NKD1: variants seen among roughly 807,000 people sequenced by gnomAD.
The protein encoded by NKD1 is protein naked cuticle homolog 1.
In NKD1, 21 loss-of-function variants were observed where a neutral mutation model predicts 56.0. That is an observed-to-expected ratio of 0.38 (90% CI 0.27 to 0.54). NKD1 has a LOEUF of 0.54. Ranked by LOEUF, NKD1 falls within the 20% of genes least tolerant of loss-of-function variation. The pLI, the probability that NKD1 is intolerant of heterozygous loss-of-function variation, is 0.82. For synonymous variants in NKD1, 263 were observed against 265.7 expected (o/e 0.99, Z 0.10); for missense variants, 578 against 642.7 (o/e 0.90, Z 1.09).
In NKD1 at chr16:50,647,392, G is replaced by C. The variant is rs908042818; in HGVS notation, c.*13611G>C. On this transcript the variant is annotated 3_prime_UTR_variant, in exon 10 of 10. Coordinates refer to ENST00000268459, the MANE Select transcript of NKD1 (RefSeq NM_033119.5). ...GTGCTGGGTCCTTGGGAATGATGTT[G>C]AGCAAGCACTTATACATGACCTGGC... is the stretch of plus-strand genomic sequence containing the variant. The C allele has an allele frequency of 1.3e-5, 2 of 152,214 alleles. No homozygotes were observed. The highest frequency in any genetic ancestry group is 2.9e-5 in the Non-Finnish European group (2 of 68,046). 9.4% of individuals were successfully genotyped at this position (152,214 alleles called of 1,614,324 possible). A position where few individuals can be genotyped will look rare whatever the true frequency, so the allele number is the denominator to read the frequency against.
chr16:50,599,085 C>G (rs1284141749), intron 3 of NKD1, among the ~76,000 whole-genome samples: 1 of 152,082 alleles, frequency 6.6e-6, no homozygotes. Context: ...TGCAGCCGGC[C>G]AGAAGTGGGG....
chr16:50,570,131 G>T (rs570299237), intron 3 of NKD1, among the ~76,000 whole-genome samples: 2 of 151,990 alleles, frequency 1.3e-5, no homozygotes, highest in African/African-American at 4.8e-5. Flanking sequence ...TTGAAATGTC[G>T]GTATTTTGGA....
Position 50,633,445 on chromosome 16 carries a change from C to T in NKD1, c.1077C>T (p.Gly359=). ...CCCAGGGCAAGAGTGTGGGTGTGGGCCACGTGGCCAGAGGGGCAAGAAACA... is the reference window on the plus strand; with the variant it reads ...CCCAGGGCAAGAGTGTGGGTGTGGGTCACGTGGCCAGAGGGGCAAGAAACA... ...PKAQGKSVGV[G]HVARGARNKP... is the part of the protein sequence containing the mutation. The change falls in exon 10 of 10, where the codon GGC becomes GGT. Residue 359 remains glycine, a synonymous_variant. Coordinates refer to ENST00000268459, the MANE Select transcript of NKD1 (RefSeq NM_033119.5). This position sits in a 1 kb window ranked among gnomAD's most constrained non-coding sequence, Gnocchi z 4.9. 1 of 1,609,852 alleles carries T rather than the reference C, an allele frequency of 6.2e-7. No homozygotes were observed. The highest frequency in any genetic ancestry group is 8.5e-7 in the Non-Finnish European group (1 of 1,177,568).
intron 3 of NKD1, among the ~76,000 whole-genome samples, chr16:50,580,452 G>C (rs145663699): frequency 1.3e-5 from 2 of 152,230 alleles, no homozygotes; most frequent in Non-Finnish European, 2.9e-5. Flanking sequence ...CAGTACACAC[G>C]CTCAGTGAAT....
At position 50,615,308 on chromosome 16, in the gene NKD1, A is replaced by G. The variant is rs373235139; in HGVS notation, c.260-6294A>G. On this transcript the variant is annotated intron_variant, in intron 4 of 9. Coordinates refer to ENST00000268459, the MANE Select transcript of NKD1 (RefSeq NM_033119.5). ...ATTTTGATGATGCTGCTGATGATGC[A>G]GCACCTATAGTGTGATAGACACTGC... Among the ~76,000 whole-genome samples the G allele has an allele frequency of 7.2e-5, 11 of 152,348 alleles. No individual in the cohort carries two copies. The East Asian group carries it at 1.9e-3, about 27-fold the overall frequency.
At chr16:50,587,874 T>A (rs1213504157) in intron 3 of NKD1, among the ~76,000 whole-genome samples, 1 of 152,192 alleles carries the variant, frequency 6.6e-6, no homozygotes, top group Non-Finnish European at 1.5e-5. Flanking sequence ...ATACAAGGGA[T>A]CCAGGTTGTG....
intron 3 of NKD1, chr16:50,572,903 C>T (rs1960914834): frequency 1.0e-6 from 1 of 983,300 alleles, no homozygotes; most frequent in Admixed American, 6.2e-5. Context: ...GGGTGCTGAC[C>T]TGCCCCGTGC....
chr16:50,554,139 G>T (rs1467106163), intron 3 of NKD1, among the ~76,000 whole-genome samples: 1 of 152,192 alleles, frequency 6.6e-6, no homozygotes, highest in East Asian at 1.9e-4. Context: ...GCCAGACTGT[G>T]CATGCCTTCT....
chr16:50,620,809 G>C (rs1163515445), intron 4 of NKD1, among the ~76,000 whole-genome samples: 2 of 152,160 alleles, frequency 1.3e-5, no homozygotes, highest in Non-Finnish European at 1.5e-5. Context: ...AGTAGGTCCT[G>C]GGATTTCACA....
chr16:50,602,670 C>G (rs542649970), intron 3 of NKD1, among the ~76,000 whole-genome samples: 1 of 152,318 alleles, frequency 6.6e-6, no homozygotes, highest in South Asian at 2.1e-4. Context: ...TTCACCCACA[C>G]GGGGACAATC....
At chr16:50,596,514 A>G (rs2151272901) in intron 3 of NKD1, among the ~76,000 whole-genome samples, 1 of 152,220 alleles carries the variant, frequency 6.6e-6, no homozygotes, top group Middle Eastern at 3.4e-3. Flanking sequence ...GTCTCTGCAG[A>G]CGTGTGCCTC....
intron 3 of NKD1, among the ~76,000 whole-genome samples, chr16:50,589,742 CTCTTCTCTTCTCTT>C (rs1961314721): frequency 2.1e-4 from 23 of 107,446 alleles, no homozygotes; most frequent in African/African-American, 4.9e-4. Context: ...CTCTTCTCTT[CTCTTCTCTTCTCTT>C]CTCTTCTCTC....
chr16:50,589,703 T>TCTTCC (rs1178669666), intron 3 of NKD1, among the ~76,000 whole-genome samples: 2 of 21,628 alleles, frequency 9.2e-5, no homozygotes, highest in East Asian at 1.8e-3. Flanking sequence ...TTTTCTCTTC[T>TCTTCC]CTTCTCTTCT....
chr16:50,564,475 T>C (rs1960714240), intron 3 of NKD1, among the ~76,000 whole-genome samples: 1 of 152,184 alleles, frequency 6.6e-6, no homozygotes, highest in African/African-American at 2.4e-5. Flanking sequence ...GCATTTAATA[T>C]TCACAAAAAT....
chr16:50,576,364 G>A (rs1008983207), intron 3 of NKD1, among the ~76,000 whole-genome samples: 2 of 152,222 alleles, frequency 1.3e-5, no homozygotes, highest in African/African-American at 4.8e-5. Flanking sequence ...CAAAGAAGAT[G>A]TAACCCCTAG....
intron 3 of NKD1, chr16:50,553,407 G>A (rs1167001592): frequency 6.6e-6 from 1 of 152,264 alleles, no homozygotes; most frequent in Non-Finnish European, 1.5e-5. Flanking sequence ...GCCCGCCTCT[G>A]GATCAAAGGC....
chr16:50,594,598 C>T (rs1292034737), intron 3 of NKD1, among the ~76,000 whole-genome samples: 1 of 152,200 alleles, frequency 6.6e-6, no homozygotes, highest in Non-Finnish European at 1.5e-5. Flanking sequence ...TCAGTCTGAC[C>T]CTCTGGGGGA....
intron 5 of NKD1, among the ~76,000 whole-genome samples, chr16:50,622,807 C>T (rs369594554): frequency 2.0e-5 from 3 of 151,752 alleles, no homozygotes; most frequent in African/African-American, 7.3e-5. Context: ...TGGTTCCTGC[C>T]GTCAAGGAGT....
In NKD1 at chr16:50,648,537, T is replaced by A. The variant is rs1265604098; in HGVS notation, c.*14756T>A. The A allele has an allele frequency of 6.6e-6, 1 of 152,288 alleles. No homozygotes were observed. The highest frequency in any genetic ancestry group is 1.5e-5 in the Non-Finnish European group (1 of 68,052). 9.4% of individuals were successfully genotyped at this position (152,288 alleles called of 1,614,324 possible). ...GCTACCTTTCTTGACTTCTTGATTG[T>A]TTTTGTGATACTGACACATCCCCCC... On this transcript the variant is annotated 3_prime_UTR_variant, in exon 10 of 10. Transcript: ENST00000268459.
Sources: allele counts gnomAD v4.1 joint callset (sites outside exome capture counted in the v4.1 genomes callset), GRCh38; gene constraint gnomAD v4.1.1; non-coding constraint Gnocchi (gnomAD v3.1); transcripts MANE v1.5; gene names NCBI Gene and HGNC (gene_info 2026-07-23, HGNC 2026-07-21).